TSPAN9: variants seen among roughly 807,000 people sequenced by gnomAD.
The protein encoded by TSPAN9 is tetraspanin 9.
In TSPAN9, 16 loss-of-function variants were observed where a neutral mutation model predicts 31.0. That is an observed-to-expected ratio of 0.52 (90% CI 0.35 to 0.78). The LOEUF is 0.78. TSPAN9 is among the 30% of genes least tolerant of loss of function. TSPAN9 has a pLI of 0.01. For synonymous variants in TSPAN9, 145 were observed against 121.6 expected, an observed-to-expected ratio of 1.19 and a Z score of -1.27; for missense variants, 272 against 312.5, an observed-to-expected ratio of 0.87 and a Z score of 0.98.
chr12:3,182,507 G>A (rs1192332374), intron 2 of TSPAN9, among the ~76,000 whole-genome samples: 1 of 151,648 alleles, frequency 6.6e-6, no homozygotes, highest in Non-Finnish European at 1.5e-5. Context: ...AAGTTGGCCG[G>A]GCTGCAGTTC....
intron 2 of TSPAN9, among the ~76,000 whole-genome samples, chr12:3,091,310 A>G (rs12820322): frequency 0.25 from 38,344 of 152,190 alleles, 5,192 homozygotes; most frequent in Middle Eastern, 0.35. Context: ...TTCCTTCTCA[A>G]GCAACTCACA....
At chr12:3,120,590 T>A (rs2098324590) in intron 2 of TSPAN9, among the ~76,000 whole-genome samples, 1 of 152,226 alleles carries the variant, frequency 6.6e-6, no homozygotes, top group Non-Finnish European at 1.5e-5. Context: ...TCTCTCTACC[T>A]ATTGATGTCA....
At chr12:3,268,445 C>T (rs1388210493) in intron 3 of TSPAN9, among the ~76,000 whole-genome samples, 22 of 102,734 alleles carry the variant, frequency 2.1e-4, no homozygotes, top group Admixed American at 3.2e-4. Flanking sequence ...GCCCTCCGTG[C>T]GTTCCTGCAG....
At chr12:3,128,604 G>A (rs1474711084) in intron 2 of TSPAN9, among the ~76,000 whole-genome samples, 2 of 152,058 alleles carry the variant, frequency 1.3e-5, no homozygotes, top group South Asian at 2.1e-4. Flanking sequence ...ATTACCCATA[G>A]CCCCCCAAGA....
Position 3,271,846 on chromosome 12 carries a change from C to A in TSPAN9, c.64-6575C>A, listed in dbSNP as rs555911419. 3.9e-5 allele frequency among the ~76,000 whole-genome samples: 6 copies of A among 152,328 alleles called. No individual in the cohort carries two copies. In the South Asian group the frequency reaches 1.2e-3, roughly 32 times the overall value. ...GGGTGTCTGAAATACAAAGCAGCGG[C>A]TGCGCTCCTGGCACCGATGTATTGT... On this transcript the variant is annotated intron_variant, in intron 3 of 8. Transcript: ENST00000011898.
intron 2 of TSPAN9, among the ~76,000 whole-genome samples, chr12:3,145,724 G>A (rs1161718022): frequency 2.0e-5 from 3 of 152,240 alleles, no homozygotes; most frequent in African/African-American, 7.2e-5. Context: ...GGGGGAAGGC[G>A]TGGCTGGCAT....
chr12:3,230,719 C>G (rs573095472), intron 3 of TSPAN9, among the ~76,000 whole-genome samples: 1 of 152,256 alleles, frequency 6.6e-6, no homozygotes, highest in Admixed American at 6.5e-5. Context: ...GCCTGTCCCA[C>G]CAGCTGCCCT....
intron 3 of TSPAN9, among the ~76,000 whole-genome samples, chr12:3,208,734 C>T (rs940158337): frequency 2.6e-5 from 4 of 152,218 alleles, no homozygotes; most frequent in African/African-American, 9.6e-5. Flanking sequence ...CAAACGCCTG[C>T]CCACTTAGAA....
chr12:3,253,374 T>C, intron 3 of TSPAN9, among the ~76,000 whole-genome samples: 1 of 152,210 alleles, frequency 6.6e-6, no homozygotes, highest in Non-Finnish European at 1.5e-5. Context: ...GGATTCTGGC[T>C]TTGACCTGCC....
At chr12:3,132,549 AT>A (rs1343847394) in intron 2 of TSPAN9, among the ~76,000 whole-genome samples, 1 of 151,124 alleles carries the variant, frequency 6.6e-6, no homozygotes, top group Non-Finnish European at 1.5e-5. Context: ...CAGTTCCCGC[AT>A]TCCTGTTTTC....
At chr12:3,096,645 T>A (rs2098309182) in intron 2 of TSPAN9, among the ~76,000 whole-genome samples, 1 of 151,978 alleles carries the variant, frequency 6.6e-6, no homozygotes, top group African/African-American at 2.4e-5. Context: ...CCCATCTTCA[T>A]ATTGCAGGGG....
chr12:3,201,204 G>C lies in TSPAN9; in HGVS notation c.11G>C (p.Gly4Ala). ...TTTAAGAAGTGCAACATGGCCAGGG[G>C]CTGCCTCTGCTGCTTGAAGTACATG... Reference protein sequence around the residue: MARGCLCCLKYMMF... With the variant: MARACLCCLKYMMF... Residue 4 changes from glycine (G) to alanine (A), a missense_variant, in exon 3 of 9, where the codon GGC becomes GCC. By Grantham distance (60) the Gly-to-Ala change is moderately conservative. Coordinates refer to ENST00000011898, the MANE Select transcript of TSPAN9 (RefSeq NM_006675.5). 1.9e-6 allele frequency: 3 copies of C among 1,614,124 alleles called. No homozygotes were observed. The highest frequency in any genetic ancestry group is 2.5e-6 in the Non-Finnish European group (3 of 1,180,018).
At chr12:3,261,320 T>G (rs1185642230) in intron 3 of TSPAN9, among the ~76,000 whole-genome samples, 1 of 152,226 alleles carries the variant, frequency 6.6e-6, no homozygotes, top group African/African-American at 2.4e-5. Flanking sequence ...ATATGGTAAG[T>G]ACCGTATGCA....
intron 2 of TSPAN9, among the ~76,000 whole-genome samples, chr12:3,152,261 G>A (rs2098340146): frequency 6.6e-6 from 1 of 152,214 alleles, no homozygotes; most frequent in African/African-American, 2.4e-5. Flanking sequence ...GGCTGCTGCG[G>A]GGTCAGCCCT....
At chr12:3,148,236 C>T (rs1285298991) in intron 2 of TSPAN9, among the ~76,000 whole-genome samples, 1 of 152,174 alleles carries the variant, frequency 6.6e-6, no homozygotes. Context: ...TACATTGGAC[C>T]AGAATCTGAG....
intron 2 of TSPAN9, chr12:3,171,838 G>A (rs2098351992): frequency 6.6e-6 from 1 of 152,190 alleles, no homozygotes; most frequent in South Asian, 2.1e-4. Flanking sequence ...TGAATCTCTG[G>A]GAGCGTGGCA....
At chr12:3,114,358 A>G (rs1386303565) in intron 2 of TSPAN9, among the ~76,000 whole-genome samples, 2 of 152,164 alleles carry the variant, frequency 1.3e-5, no homozygotes, top group Non-Finnish European at 2.9e-5. Context: ...GGCAGGCCAT[A>G]CAGAGACAGG....
chr12:3,179,781 C>A (rs73035909), intron 2 of TSPAN9, among the ~76,000 whole-genome samples: 1 of 152,126 alleles, frequency 6.6e-6, no homozygotes, highest in South Asian at 2.1e-4. Flanking sequence ...ATTTTGCAGG[C>A]GAGCATGTTA....
intron 2 of TSPAN9, among the ~76,000 whole-genome samples, chr12:3,085,107 G>A (rs944848883): frequency 2.0e-5 from 3 of 152,178 alleles, no homozygotes; most frequent in African/African-American, 7.2e-5. Context: ...AACCGTCCAG[G>A]TGCAGTGGCT....
Sources: allele counts gnomAD v4.1 joint callset (sites outside exome capture counted in the v4.1 genomes callset), GRCh38; gene constraint gnomAD v4.1.1; transcripts MANE v1.5; gene names NCBI Gene and HGNC (gene_info 2026-07-23, HGNC 2026-07-21).